The following DYNC1I1 variants were observed in gnomAD, a reference collection of about 807,000 sequenced individuals.
DYNC1I1 encodes cytoplasmic dynein 1 intermediate chain 1.
In DYNC1I1, 43 loss-of-function variants were observed where a neutral mutation model predicts 86.6. The ratio of observed to expected loss-of-function variants is 0.50; its 90% CI spans 0.39 to 0.64. The LOEUF (loss-of-function observed/expected upper bound fraction) is 0.64, where lower values mean the gene tolerates loss of function less well. Ranked by LOEUF, DYNC1I1 falls within the 30% of genes least tolerant of loss-of-function variation. DYNC1I1 has a pLI of 0.00. For synonymous variants in DYNC1I1, 262 were observed against 283.7 expected, an observed-to-expected ratio of 0.92 and a Z score of 0.77; for missense variants, 604 against 788.8, an observed-to-expected ratio of 0.77 and a Z score of 2.81.
chr7:95,980,475 T>C (rs752022151), intron 7 of DYNC1I1, among the ~76,000 whole-genome samples: 35 of 151,378 alleles, frequency 2.3e-4, no homozygotes, highest in Non-Finnish European at 4.6e-4. Flanking sequence ...AAAGATTTGC[T>C]CTGGGCTGAA....
chr7:95,995,743 G>A (rs1307093649), intron 9 of DYNC1I1, among the ~76,000 whole-genome samples: 4 of 152,138 alleles, frequency 2.6e-5, no homozygotes, highest in Non-Finnish European at 4.4e-5. Flanking sequence ...GATAGTTACC[G>A]GTGAGTATGA....
chr7:95,786,933 C>T (rs962739680), intron 1 of DYNC1I1, among the ~76,000 whole-genome samples: 4 of 152,124 alleles, frequency 2.6e-5, no homozygotes, highest in Non-Finnish European at 4.4e-5. Flanking sequence ...AACCCGGTGA[C>T]ACTCTTGAGC....
At chr7:96,068,625 G>A (rs1353652057) in intron 14 of DYNC1I1, among the ~76,000 whole-genome samples, 1 of 152,116 alleles carries the variant, frequency 6.6e-6, no homozygotes, top group Non-Finnish European at 1.5e-5. Context: ...TCTTCTAAAT[G>A]TCATGGTTAC....
At chr7:95,921,943 A>G (rs1791621351) in intron 6 of DYNC1I1, among the ~76,000 whole-genome samples, 2 of 152,156 alleles carry the variant, frequency 1.3e-5, no homozygotes, top group Middle Eastern at 3.2e-3. Context: ...GTCCTAGTAG[A>G]TTTTACTTCA....
At chr7:96,005,044 G>A (rs907895347) in intron 10 of DYNC1I1, among the ~76,000 whole-genome samples, 4 of 151,996 alleles carry the variant, frequency 2.6e-5, no homozygotes, top group Non-Finnish European at 5.9e-5. Context: ...AGTAAAAAGA[G>A]GATTAAAATA....
chr7:95,991,982 C>A (rs1257737392), intron 9 of DYNC1I1, among the ~76,000 whole-genome samples: 3 of 152,144 alleles, frequency 2.0e-5, no homozygotes, highest in Admixed American at 6.5e-5. Context: ...GCCTCCCCAT[C>A]CCGAGTAGCT....
chr7:95,887,773 G>T (rs1790633361), intron 6 of DYNC1I1, among the ~76,000 whole-genome samples: 1 of 152,148 alleles, frequency 6.6e-6, no homozygotes. Context: ...TCCCCTAATA[G>T]TGAGAATGCT....
intron 14 of DYNC1I1, among the ~76,000 whole-genome samples, chr7:96,065,086 C>T (rs1017611429): frequency 6.6e-6 from 1 of 152,138 alleles, no homozygotes; most frequent in African/African-American, 2.4e-5. Context: ...AGCGTGCACC[C>T]ACATGGACCA....
chr7:95,990,894 G>A (rs1793712845), intron 9 of DYNC1I1, among the ~76,000 whole-genome samples: 1 of 152,100 alleles, frequency 6.6e-6, no homozygotes, highest in African/African-American at 2.4e-5. Context: ...GCCAGGCATG[G>A]TGGTGCATGC....
intron 6 of DYNC1I1, among the ~76,000 whole-genome samples, chr7:95,938,065 G>A (rs552010973): frequency 3.1e-4 from 47 of 152,186 alleles, no homozygotes; most frequent in African/African-American, 9.6e-4. Context: ...TTCCTTAAGC[G>A]TGCAAAACTT....
At chr7:95,973,593 G>C (rs1793230271) in intron 6 of DYNC1I1, among the ~76,000 whole-genome samples, 1 of 152,140 alleles carries the variant, frequency 6.6e-6, no homozygotes, top group South Asian at 2.1e-4. Context: ...CAAGGAATTA[G>C]ATAACCTGCT....
chr7:95,904,021 A>C (rs1418806914), intron 6 of DYNC1I1, among the ~76,000 whole-genome samples: 1 of 152,200 alleles, frequency 6.6e-6, no homozygotes, highest in South Asian at 2.1e-4. Flanking sequence ...GTTTGGCAAC[A>C]TTTTATGGCT....
chr7:96,008,168 C>T (rs1475367526), intron 10 of DYNC1I1, among the ~76,000 whole-genome samples: 1 of 152,168 alleles, frequency 6.6e-6, no homozygotes, highest in Non-Finnish European at 1.5e-5. Flanking sequence ...GATTCTGAAT[C>T]CACATCCTGA....
At chr7:95,858,041 T>C (rs1003107382) in intron 5 of DYNC1I1, among the ~76,000 whole-genome samples, 14 of 152,210 alleles carry the variant, frequency 9.2e-5, no homozygotes, top group African/African-American at 3.1e-4. Context: ...ATATCTGATA[T>C]AGGCCCTTCT....
intron 6 of DYNC1I1, among the ~76,000 whole-genome samples, chr7:95,897,450 T>C (rs975468004): frequency 2.0e-5 from 3 of 152,192 alleles, no homozygotes; most frequent in Non-Finnish European, 2.9e-5. Context: ...ACCATGATTT[T>C]TTTTTTTTGG....
intron 5 of DYNC1I1, among the ~76,000 whole-genome samples, chr7:95,844,595 G>A (rs1464500104): frequency 2.6e-5 from 4 of 152,012 alleles, no homozygotes; most frequent in Non-Finnish European, 4.4e-5. Flanking sequence ...TGGGTCGGGC[G>A]GCGGGGGGTT....
chr7:95,886,129 A>G (rs1346650420), intron 6 of DYNC1I1, among the ~76,000 whole-genome samples: 3 of 152,128 alleles, frequency 2.0e-5, no homozygotes, highest in African/African-American at 7.2e-5. Context: ...ATTATTCTAC[A>G]ATTTTATAAA....
At chr7:95,972,630 C>T (rs1793204731) in intron 6 of DYNC1I1, among the ~76,000 whole-genome samples, 1 of 149,624 alleles carries the variant, frequency 6.7e-6, no homozygotes, top group South Asian at 2.1e-4. Context: ...CCACTGCACT[C>T]CCCTTCAAAT....
At chr7:96,041,585 G>T (rs534766837) in intron 14 of DYNC1I1, among the ~76,000 whole-genome samples, 2 of 152,248 alleles carry the variant, frequency 1.3e-5, no homozygotes, top group East Asian at 3.9e-4. Flanking sequence ...TCAGTACAGT[G>T]CTGTGTGAAT....
Sources: allele counts gnomAD v4.1 joint callset (sites outside exome capture counted in the v4.1 genomes callset), GRCh38; gene constraint gnomAD v4.1.1; transcripts MANE v1.5; gene names NCBI Gene and HGNC (gene_info 2026-07-23, HGNC 2026-07-21).